The following ZFYVE28 variants were observed in gnomAD, a reference collection of about 807,000 sequenced individuals.
ZFYVE28 encodes the protein lateral signaling target protein 2 homolog.
In ZFYVE28, 40 loss-of-function variants were observed where a neutral mutation model predicts 82.1. The observed-to-expected ratio is 0.49, with a 90% CI of 0.38 to 0.63. The LOEUF (loss-of-function observed/expected upper bound fraction) is 0.63. Ranked by LOEUF, ZFYVE28 falls within the 30% of genes least tolerant of loss-of-function variation. The pLI is 0.00. For missense variants in ZFYVE28, 1,321 were observed against 1,242.1 expected (o/e 1.06, Z -0.96); for synonymous variants, 612 against 546.1 (o/e 1.12, Z -1.68).
At chr4:2,327,857 A>C (rs1031041308) in intron 6 of ZFYVE28, among the ~76,000 whole-genome samples, 1 of 152,258 alleles carries the variant, frequency 6.6e-6, no homozygotes, top group Non-Finnish European at 1.5e-5. Flanking sequence ...AGCCACAGTG[A>C]GATATCATTT....
chr4:2,404,346 C>T (rs968240740), intron 1 of ZFYVE28, among the ~76,000 whole-genome samples: 8 of 13,732 alleles, frequency 5.8e-4, no homozygotes, highest in Middle Eastern at 0.056. Context: ...GATGGAGCTA[C>T]ACAGTAATTC....
intron 8 of ZFYVE28, among the ~76,000 whole-genome samples, chr4:2,283,884 C>T (rs944108895): frequency 1.3e-5 from 2 of 152,074 alleles, no homozygotes; most frequent in African/African-American, 2.4e-5. Context: ...GGGAAGCAGC[C>T]GACAGACTGT....
intron 6 of ZFYVE28, chr4:2,330,907 G>C: frequency 6.5e-7 from 1 of 1,534,602 alleles, no homozygotes; most frequent in South Asian, 1.2e-5. Flanking sequence ...GCTCCGGCAA[G>C]GGTCTGAGCA....
At position 2,418,195 on chromosome 4, in the gene ZFYVE28, A is replaced by T. The variant is rs1733332257; in HGVS notation, c.39+90T>A. 16 of 1,286,658 alleles carry T rather than the reference A, an allele frequency of 1.2e-5. No homozygotes were observed. The South Asian group carries it at 2.2e-4, about 18-fold the overall frequency. 79.7% of individuals were successfully genotyped at this position (1,286,658 alleles called of 1,614,324 possible). Reference sequence around the variant, plus strand: ...GAAGAGGCCGGCCACGGACAGGGAAAGGGAGTCCGTCTTGTAGGGCGGACG... The same window carrying T: ...GAAGAGGCCGGCCACGGACAGGGAATGGGAGTCCGTCTTGTAGGGCGGACG... On this transcript the variant is annotated intron_variant, in intron 1 of 12. Coordinates refer to ENST00000290974, the MANE Select transcript of ZFYVE28 (RefSeq NM_020972.3). The surrounding 1 kb of genome is among the most constrained non-coding windows in gnomAD (Gnocchi z 4.6).
At chr4:2,354,547 C>G (rs1194705104) in intron 1 of ZFYVE28, among the ~76,000 whole-genome samples, 3 of 151,784 alleles carry the variant, frequency 2.0e-5, no homozygotes, top group East Asian at 3.9e-4. Flanking sequence ...CAACCTCCGC[C>G]TCCTGGGTTC....
intron 6 of ZFYVE28, among the ~76,000 whole-genome samples, chr4:2,331,988 AC>A (rs1720783992): frequency 6.6e-6 from 1 of 152,068 alleles, no homozygotes; most frequent in South Asian, 2.1e-4. Context: ...CCAGCTGTTG[AC>A]CCCCAGCGGT....
chr4:2,284,447 C>T (rs1284240379), intron 8 of ZFYVE28, among the ~76,000 whole-genome samples: 4 of 152,170 alleles, frequency 2.6e-5, no homozygotes, highest in Non-Finnish European at 5.9e-5. Context: ...TGGTGGACAA[C>T]CCAGCTTTCA....
At chr4:2,403,655 C>G (rs1044645388) in intron 1 of ZFYVE28, among the ~76,000 whole-genome samples, 3 of 152,198 alleles carry the variant, frequency 2.0e-5, no homozygotes, top group African/African-American at 4.8e-5. Flanking sequence ...CCTCCGATGA[C>G]CCACTCTCTG....
chr4:2,304,247 CAG>C (rs769937543), intron 8 of ZFYVE28, 40 bp downstream of exon 8: 209 of 1,515,228 alleles, frequency 1.4e-4, no homozygotes, highest in Non-Finnish European at 1.6e-4. Context: ...CCCCCCAGTG[CAG>C]AGAGGACAAA....
At chr4:2,348,231 T>C (rs535087855) in intron 2 of ZFYVE28, among the ~76,000 whole-genome samples, 20 of 152,336 alleles carry the variant, frequency 1.3e-4, no homozygotes, top group Admixed American at 3.3e-4. Flanking sequence ...TTAAAAGGCA[T>C]AAACTACCAA....
intron 8 of ZFYVE28, among the ~76,000 whole-genome samples, chr4:2,279,517 C>T (rs1222934682): frequency 6.6e-6 from 1 of 152,148 alleles, no homozygotes; most frequent in East Asian, 1.9e-4. Flanking sequence ...CAGTGGCTCA[C>T]ACCTGTAATC....
intron 7 of ZFYVE28, among the ~76,000 whole-genome samples, chr4:2,309,260 C>G (rs1398561963): frequency 6.6e-6 from 1 of 152,172 alleles, no homozygotes; most frequent in East Asian, 1.9e-4. Flanking sequence ...CACGTTATGA[C>G]AGAGCACGAG....
At chr4:2,354,273 CCT>C (rs377734333) in intron 1 of ZFYVE28, among the ~76,000 whole-genome samples, 200 bp from the exon 2 acceptor site, 13 of 152,176 alleles carry the variant, frequency 8.5e-5, no homozygotes, top group Non-Finnish European at 1.6e-4. Flanking sequence ...CAGCTCAACC[CCT>C]GATTCAAGGG....
chr4:2,362,200 C>T lies in ZFYVE28; in HGVS notation c.40-8127G>A, dbSNP rs1428091165. Among the ~76,000 whole-genome samples, 4 of 152,172 alleles carry T rather than the reference C, an allele frequency of 2.6e-5. No individual in the cohort carries two copies. The highest frequency in any genetic ancestry group is 4.4e-5 in the Non-Finnish European group (3 of 68,022). On this transcript the variant is annotated intron_variant, in intron 1 of 12. Coordinates refer to ENST00000290974, the MANE Select transcript of ZFYVE28 (RefSeq NM_020972.3). This position sits in a 1 kb window ranked among gnomAD's most constrained non-coding sequence, Gnocchi z 5.1. ...GGAGACAGTGGTCACATGCAGACTT[C>T]AGCTGGACAGAGGCTGGAGCATGCA... is the stretch of plus-strand genomic sequence containing the variant.
At chr4:2,400,164 G>A (rs1731022109) in intron 1 of ZFYVE28, among the ~76,000 whole-genome samples, 1 of 152,248 alleles carries the variant, frequency 6.6e-6, no homozygotes, top group Non-Finnish European at 1.5e-5. Context: ...CACAGGTCAG[G>A]AGGAACACAT....
chr4:2,337,571 C>T (rs949103611), intron 4 of ZFYVE28, 75 bp from the exon 5 acceptor site: 1 of 1,187,420 alleles, frequency 8.4e-7, no homozygotes, highest in South Asian at 1.6e-5. Context: ...TGGGGGGCAT[C>T]TTCAATTAAA....
At chr4:2,380,797 A>C (rs1728654057) in intron 1 of ZFYVE28, among the ~76,000 whole-genome samples, 1 of 152,210 alleles carries the variant, frequency 6.6e-6, no homozygotes, top group Non-Finnish European at 1.5e-5. Flanking sequence ...CCATGTAAGA[A>C]GTGCCTTTTG....
At position 2,304,804 on chromosome 4, in the gene ZFYVE28, C is replaced by T. The variant is rs1317639533; in HGVS notation, c.1536G>A (p.Lys512=). 6.2e-7 allele frequency: 1 copy of T among 1,612,708 alleles called. No individual in the cohort carries two copies. The highest frequency in any genetic ancestry group is 1.3e-5 in the African/African-American group (1 of 75,056). Residue 512 remains lysine, a synonymous_variant, in exon 8 of 13, where the codon AAG becomes AAA. Transcript: ENST00000290974. ...EMIAHRTGGM[K]LSATVIFNPK... ...GGTTGAAGATGACCGTGGCTGAGAG[C>T]TTCATGCCCCCTGTCCGGTGGGCGA... is the stretch of plus-strand genomic sequence containing the variant.
chr4:2,355,770 T>C (rs1419428297), intron 1 of ZFYVE28, among the ~76,000 whole-genome samples: 1 of 152,064 alleles, frequency 6.6e-6, no homozygotes, highest in Admixed American at 6.6e-5. Flanking sequence ...AGAGATGGGG[T>C]CTCCCTGTGT....
Sources: gnomAD v4.1 joint callset for allele counts (sites outside exome capture counted in the v4.1 genomes callset) on GRCh38, gnomAD v4.1.1 for gene constraint, Gnocchi (gnomAD v3.1) non-coding constraint, MANE v1.5 for transcripts, NCBI Gene and HGNC (gene_info 2026-07-23, HGNC 2026-07-21) for gene names.